PSMD4: variants seen among roughly 807,000 people sequenced by gnomAD.
PSMD4 encodes the protein proteasome 26S subunit ubiquitin receptor, non-ATPase 4, also known as 26S proteasome non-ATPase regulatory subunit 4.
Under a neutral mutation model 39.7 loss-of-function variants are expected in PSMD4, and 5 were observed. The ratio of observed to expected loss-of-function variants is 0.13; its 90% CI spans 0.07 to 0.26. The LOEUF (loss-of-function observed/expected upper bound fraction) is 0.26. PSMD4 is among the 10% of genes least tolerant of loss of function. The pLI is 1.00. For synonymous variants in PSMD4, 143 were observed against 174.6 expected, an observed-to-expected ratio of 0.82 and a Z score of 1.43; for missense variants, 272 against 486.1, an observed-to-expected ratio of 0.56 and a Z score of 4.14.
chr1:151,265,973 G>C (rs1264471889), intron 6 of PSMD4, 31 bp from the exon 7 acceptor site: 3 of 1,542,536 alleles, frequency 1.9e-6, no homozygotes, highest in African/African-American at 2.8e-5. Flanking sequence ...TGAGGGCAGG[G>C]GAGCCCTGAT....
intron 1 of PSMD4, among the ~76,000 whole-genome samples, chr1:151,256,322 C>A (rs1271493400): frequency 7.5e-6 from 1 of 132,714 alleles, no homozygotes. Context: ...CTAGCCTGGG[C>A]GACAGAGTGA....
At chr1:151,266,621 G>T in intron 9 of PSMD4, 34 bp downstream of exon 9, 1 of 1,609,458 alleles carries the variant, frequency 6.2e-7, no homozygotes, top group African/African-American at 1.3e-5. Context: ...CAGGTTTAAA[G>T]TCCTTGAATT....
intron 1 of PSMD4, among the ~76,000 whole-genome samples, chr1:151,261,030 G>A (rs982654191): frequency 1.3e-5 from 2 of 151,628 alleles, no homozygotes; most frequent in African/African-American, 2.4e-5. Context: ...ATTTTTAGTA[G>A]AGACGGGGTT....
At chr1:151,255,194 C>T (rs1693135364) in intron 1 of PSMD4, among the ~76,000 whole-genome samples, 1 of 152,248 alleles carries the variant, frequency 6.6e-6, no homozygotes, top group Non-Finnish European at 1.5e-5. Context: ...ATCCCTTCCT[C>T]TCCCCATTCC....
rs147679338 is a variant in PSMD4 at position 151,257,049 on chromosome 1, G to A, written c.26+2241G>A. 4.6e-3 allele frequency among the ~76,000 whole-genome samples: 693 copies of A among 152,226 alleles called. 7 individuals carry two copies. The highest frequency in any genetic ancestry group is 0.016 in the African/African-American group (655 of 41,540). On this transcript the variant is annotated intron_variant, in intron 1 of 9. Transcript: ENST00000368884. ...TAGGCGTGAGCCACTGTGCCCGGCCGGTCTTCCAGGATTTTTATAGTTTTG... is the reference window on the plus strand; with the variant it reads ...TAGGCGTGAGCCACTGTGCCCGGCCAGTCTTCCAGGATTTTTATAGTTTTG...
rs1393012955 is a variant in PSMD4 at position 151,266,860 on chromosome 1, G to C, written c.963+273G>C. On this transcript the variant is annotated intron_variant, in intron 9 of 9. Transcript: ENST00000368884. ...GTCTTCCCAGGAGGGAAAAAAGCGGGTCTGGGAAAAAGAAAAAGGAGAACT... is the reference window on the plus strand; with the variant it reads ...GTCTTCCCAGGAGGGAAAAAAGCGGCTCTGGGAAAAAGAAAAAGGAGAACT... 8.4e-6 allele frequency: 6 copies of C among 717,684 alleles called. No homozygotes were observed. In the South Asian group the frequency reaches 9.0e-5, roughly 11 times the overall value. The allele number at this position is 717,684 out of a possible 1,614,324, so 44.5% of individuals were successfully genotyped here.
At chr1:151,261,180 CTTTTTTTTTTTTTT>C (rs587653164) in intron 1 of PSMD4, among the ~76,000 whole-genome samples, 7 of 120,010 alleles carry the variant, frequency 5.8e-5, no homozygotes, top group Non-Finnish European at 1.2e-4. Context: ...TTTTCTTTTT[CTTTTTTTTTTTTTT>C]TTTTTGAGAC....
chr1:151,266,132 A>C lies in PSMD4; in HGVS notation c.763+20A>C. 1 of 1,599,048 alleles carries C rather than the reference A, an allele frequency of 6.3e-7. No homozygotes were observed. ...CTGAAGGTGAAAGAGGTGGAATCCG[A>C]AGTCCTGGGACTGCGGGATGCTAAA... is the stretch of plus-strand genomic sequence containing the variant. On this transcript the variant is annotated intron_variant, in intron 7 of 9. Coordinates refer to ENST00000368884, the MANE Select transcript of PSMD4 (RefSeq NM_002810.4).
intron 2 of PSMD4, chr1:151,262,569 TAA>T: frequency 2.4e-6 from 1 of 412,916 alleles, no homozygotes. Context: ...TAATATATTT[TAA>T]AGTCAGTGAA....
At chr1:151,266,965 G>C (rs978673104) in intron 9 of PSMD4, 4 of 726,102 alleles carry the variant, frequency 5.5e-6, no homozygotes, top group Non-Finnish European at 1.0e-5. Flanking sequence ...GTTCTCAGCA[G>C]GCCCCTCTAT....
At chr1:151,261,371 C>T (rs1693316192) in intron 1 of PSMD4, among the ~76,000 whole-genome samples, 1 of 151,558 alleles carries the variant, frequency 6.6e-6, no homozygotes, top group Non-Finnish European at 1.5e-5. Context: ...GACAGGGTTT[C>T]TCCATGTTGG....
chr1:151,265,978 C>A, intron 6 of PSMD4, 26 bp from the exon 7 acceptor site: 1 of 1,546,478 alleles, frequency 6.5e-7, no homozygotes, highest in South Asian at 1.2e-5. Context: ...GCAGGGGAGC[C>A]CTGATTATGC....
chr1:151,265,924 T>A (rs1184718040), intron 6 of PSMD4, 80 bp from the exon 7 acceptor site: 1 of 1,484,436 alleles, frequency 6.7e-7, no homozygotes. Context: ...TATGTTCCTT[T>A]CCCACACCCC....
chr1:151,263,129 A>G (rs587685064), intron 2 of PSMD4, among the ~76,000 whole-genome samples: 47 of 152,280 alleles, frequency 3.1e-4, no homozygotes, highest in Non-Finnish European at 5.7e-4. Context: ...CCACTTAATT[A>G]TTTCTGTGCT....
rs377537706 is a variant in PSMD4, at chr1:151,264,802, A to G, written c.283-30A>G. 6.5e-6 allele frequency: 10 copies of G among 1,544,416 alleles called. No homozygotes were observed. In the African/African-American group the frequency reaches 1.1e-4, roughly 17 times the overall value. ...AAAGAGCTGAGTGATTCCTCTGGTT[A>G]ACTCTGAGAACTTCCTCTCCCTTTA... On this transcript the variant is annotated intron_variant, in intron 3 of 9. Transcript: ENST00000368884.
intron 3 of PSMD4, 80 bp from the exon 4 acceptor site, chr1:151,264,751 AG>A: frequency 8.5e-7 from 1 of 1,174,148 alleles, no homozygotes; most frequent in Non-Finnish European, 1.3e-6. Flanking sequence ...AGAAACTGTA[AG>A]AAAAAGGGAA....
At chr1:151,256,941 G>C (rs1037049817) in intron 1 of PSMD4, among the ~76,000 whole-genome samples, 9 of 151,288 alleles carry the variant, frequency 5.9e-5, no homozygotes, top group Admixed American at 6.6e-5. Flanking sequence ...TAGAGACCAG[G>C]TTTCTCCATG....
rs1373068808 is a variant in PSMD4, at chr1:151,264,025, C to T, written c.279C>T (p.Ala93=). 1.3e-5 allele frequency: 21 copies of T among 1,582,510 alleles called. No homozygotes were observed. The highest frequency in any genetic ancestry group is 1.8e-5 in the Non-Finnish European group (21 of 1,161,586). The change falls in exon 3 of 10, where the codon GCC becomes GCT. Residue 93 remains alanine, a synonymous_variant. Coordinates refer to ENST00000368884, the MANE Select transcript of PSMD4 (RefSeq NM_002810.4). The stretch of plus-strand genomic sequence containing the variant: ...CCTTCTGCACGGGCATCCGCGTGGC[C>T]CATGTGAGTCCTACTGGGTTCCCTG... ...KITFCTGIRV[A]HLALKHRQGK...
intron 2 of PSMD4, 31 bp from the exon 3 acceptor site, chr1:151,263,883 A>G: frequency 6.9e-7 from 1 of 1,442,436 alleles, no homozygotes; most frequent in Non-Finnish European, 9.6e-7. Flanking sequence ...TGCTGACCTG[A>G]ATTCACTGAA....
Sources: gnomAD v4.1 joint callset for allele counts (sites outside exome capture counted in the v4.1 genomes callset) on GRCh38, gnomAD v4.1.1 for gene constraint, MANE v1.5 for transcripts, NCBI Gene and HGNC (gene_info 2026-07-23, HGNC 2026-07-21) for gene names.